Variants in CUL4A observed in about 807,000 individuals in gnomAD.
CUL4A encodes the protein cullin-4A.
CUL4A carries 16 observed loss-of-function variants against 95.5 expected under a neutral mutation model. That is an observed-to-expected ratio of 0.17 (90% CI 0.11 to 0.25). The LOEUF is 0.25. Ranked by LOEUF, CUL4A falls within the 10% of genes least tolerant of loss-of-function variation. The probability of loss-of-function intolerance (pLI) is 1.00; values close to 1 mark genes in which losing one functional copy is unlikely to be tolerated. For synonymous variants in CUL4A, 380 were observed against 353.1 expected, an observed-to-expected ratio of 1.08 and a Z score of -0.85; for missense variants, 610 against 937.0, an observed-to-expected ratio of 0.65 and a Z score of 4.56.
Position 113,246,035 on chromosome 13 carries a change from C to G in CUL4A, c.1610C>G (p.Thr537Arg). The change falls in exon 15 of 20, where the codon ACG (threonine) becomes AGG (arginine). Residue 537 changes from threonine (T) to arginine (R), a missense_variant. Around this residue, in one of 10 missense-constraint regions of CUL4A, gnomAD observed 44 missense variants for 75.6 expected, o/e 0.58. Transcript: ENST00000375440. Reference sequence around the variant, plus strand: ...ACAATGGGCTACTGGCCAACATACACGCCCATGGAAGTGCACTTAACCCCA... The same window carrying G: ...ACAATGGGCTACTGGCCAACATACAGGCCCATGGAAGTGCACTTAACCCCA... Reference protein sequence around the residue: ...ILTMGYWPTYTPMEVHLTPEM... With the variant: ...ILTMGYWPTYRPMEVHLTPEM... 6.2e-7 allele frequency: 1 copy of G among 1,613,758 alleles called. No homozygotes were observed. The highest frequency in any genetic ancestry group is 8.5e-7 in the Non-Finnish European group (1 of 1,179,934).
At chr13:113,254,580 G>A (rs2139282620) in intron 16 of CUL4A, 113 bp from the exon 17 acceptor site, 2 of 664,670 alleles carry the variant, frequency 3.0e-6, no homozygotes, top group East Asian at 2.8e-5. Context: ...GGGTGACAGA[G>A]CGAGACTCCT....
chr13:113,208,230 G>C (rs898344405), upstream of CUL4A: 16 of 1,494,028 alleles, frequency 1.1e-5, no homozygotes, highest in South Asian at 1.9e-4. Flanking sequence ...GCGTCCATCC[G>C]ACACAGCACC....
rs2042306924 is a variant in CUL4A, at chr13:113,262,469, A to G, written c.2185-1018A>G. ...AATTTGAGACCAGCCTGGGCAACAT[A>G]GTGAGACCCCTTCTCTACAAAAAAT... On this transcript the variant is annotated intron_variant, in intron 19 of 19. Transcript: ENST00000375440. 2.0e-5 allele frequency among the ~76,000 whole-genome samples: 3 copies of G among 152,284 alleles called. No individual in the cohort carries two copies. In the South Asian group the frequency reaches 6.2e-4, roughly 32 times the overall value.
intron 9 of CUL4A, among the ~76,000 whole-genome samples, chr13:113,238,444 G>A: frequency 6.6e-6 from 1 of 151,228 alleles, no homozygotes; most frequent in African/African-American, 2.4e-5. Context: ...AAAAAAAAAA[G>A]AGAAAAAAGA....
At chr13:113,210,402 A>G (rs900823948) in intron 2 of CUL4A, among the ~76,000 whole-genome samples, 1 of 152,254 alleles carries the variant, frequency 6.6e-6, no homozygotes, top group Admixed American at 6.5e-5. Flanking sequence ...TTCTCGTTAT[A>G]TGTAAAACTC....
intron 19 of CUL4A, among the ~76,000 whole-genome samples, chr13:113,262,192 A>G (rs1281556190): frequency 6.6e-6 from 1 of 152,044 alleles, no homozygotes; most frequent in East Asian, 1.9e-4. Flanking sequence ...GCTCACACAG[A>G]TTTTCTTCCT....
chr13:113,229,899 CCT>C (rs1166632780), intron 5 of CUL4A: 1 of 443,738 alleles, frequency 2.3e-6, no homozygotes, highest in Non-Finnish European at 3.9e-6. Context: ...CTGTGCGTCC[CCT>C]GTGGAATGGC....
chr13:113,238,349 G>A (rs2041610893), intron 9 of CUL4A, among the ~76,000 whole-genome samples: 1 of 151,890 alleles, frequency 6.6e-6, no homozygotes, highest in Admixed American at 6.5e-5. Context: ...TACTCAGGAG[G>A]GTGAGGTGGG....
chr13:113,222,951 C>G (rs1476761211), intron 3 of CUL4A, among the ~76,000 whole-genome samples: 1 of 152,026 alleles, frequency 6.6e-6, no homozygotes, highest in African/African-American at 2.4e-5. Flanking sequence ...GGGCTGCTGT[C>G]AGGAAGATGA....
chr13:113,260,604 C>T lies in CUL4A; in HGVS notation c.2032-3C>T. Reference sequence around the variant, plus strand: ...CTTAACTTTTTTTTTCTTTTTTATACAGGTTGAGGAACAGGTTAGCACCAC... The same window carrying T: ...CTTAACTTTTTTTTTCTTTTTTATATAGGTTGAGGAACAGGTTAGCACCAC... On this transcript the variant is annotated splice_region_variant and splice_polypyrimidine_tract_variant and intron_variant, in intron 18 of 19. Transcript: ENST00000375440. 6.3e-7 allele frequency: 1 copy of T among 1,584,802 alleles called. No homozygotes were observed. Among genetic ancestry groups the T allele is most frequent in the East Asian group, 2.3e-5 (1 of 44,280 alleles).
At chr13:113,221,574 GTTAT>G (rs753484005) in intron 3 of CUL4A, among the ~76,000 whole-genome samples, 13 of 152,016 alleles carry the variant, frequency 8.6e-5, no homozygotes, top group East Asian at 1.9e-4. Flanking sequence ...GTTTTTTTGT[GTTAT>G]TTATTTATTT....
At chr13:113,240,433 G>A (rs2041674391) in intron 10 of CUL4A, among the ~76,000 whole-genome samples, 1 of 152,178 alleles carries the variant, frequency 6.6e-6, no homozygotes, top group South Asian at 2.1e-4. Flanking sequence ...AGACATCAGG[G>A]CCCCTTCACA....
At chr13:113,253,558 C>T (rs949954231) in intron 16 of CUL4A, among the ~76,000 whole-genome samples, 8 of 151,718 alleles carry the variant, frequency 5.3e-5, no homozygotes, top group Non-Finnish European at 1.0e-4. Flanking sequence ...TTGATGAAGC[C>T]TAAAAAATAA....
intron 18 of CUL4A, among the ~76,000 whole-genome samples, chr13:113,256,868 AT>A (rs2042132677): frequency 8.8e-6 from 1 of 113,722 alleles, no homozygotes; most frequent in Non-Finnish European, 1.8e-5. Flanking sequence ...TCTCTTACTG[AT>A]TAGTAGGTTT....
chr13:113,256,798 A>G (rs909665032), intron 18 of CUL4A, among the ~76,000 whole-genome samples: 3 of 149,918 alleles, frequency 2.0e-5, no homozygotes, highest in Admixed American at 6.6e-5. Context: ...ATGCTTAGCC[A>G]TTTGTATTTT....
intron 5 of CUL4A, chr13:113,229,737 G>A (rs1260167347): frequency 1.3e-5 from 7 of 533,440 alleles, no homozygotes; most frequent in Non-Finnish European, 2.3e-5. Flanking sequence ...AGGAAGCTCG[G>A]ACAGGCGGCT....
intron 15 of CUL4A, among the ~76,000 whole-genome samples, chr13:113,249,117 T>C (rs2041927958): frequency 6.6e-6 from 1 of 152,240 alleles, no homozygotes; most frequent in African/African-American, 2.4e-5. Context: ...TGGATTTGTC[T>C]ACATTAGATA....
In CUL4A at chr13:113,229,431, C is replaced by A; in HGVS notation, c.439-15C>A. ...TAGAATTCATAAGTAAATGGTTCTC[C>A]TTTCTGCTGGTCAGATCATGATCAG... On this transcript the variant is annotated splice_polypyrimidine_tract_variant and intron_variant, in intron 4 of 19. Coordinates refer to ENST00000375440, the MANE Select transcript of CUL4A (RefSeq NM_001008895.4). The A allele has an allele frequency of 6.2e-7, 1 of 1,612,324 alleles. No homozygotes were observed. The highest frequency in any genetic ancestry group is 8.5e-7 in the Non-Finnish European group (1 of 1,179,242).
chr13:113,228,163 T>C (rs780464106), intron 4 of CUL4A, 118 bp downstream of exon 4: 4 of 766,674 alleles, frequency 5.2e-6, no homozygotes, highest in Non-Finnish European at 8.8e-6. Flanking sequence ...AGTGCTGTGG[T>C]TGAACAGCAC....
Sources: allele counts gnomAD v4.1 joint callset (sites outside exome capture counted in the v4.1 genomes callset), GRCh38; gene constraint gnomAD v4.1.1; regional missense constraint gnomAD v4.1.1; transcripts MANE v1.5; gene names NCBI Gene and HGNC (gene_info 2026-07-23, HGNC 2026-07-21).